BCKDHB: variants seen among roughly 807,000 people sequenced by gnomAD.
The protein encoded by BCKDHB is 2-oxoisovalerate dehydrogenase subunit beta, mitochondrial.
In BCKDHB, 41 loss-of-function variants were observed where a neutral mutation model predicts 48.5. The observed-to-expected ratio is 0.85, with a 90% confidence interval of 0.66 to 1.10. BCKDHB has a LOEUF of 1.10. Ranked by LOEUF, BCKDHB falls within the 50% of genes least tolerant of loss-of-function variation. The pLI, the probability that BCKDHB is intolerant of heterozygous loss-of-function variation, is 0.00. For missense variants in BCKDHB, 496 were observed against 494.2 expected (o/e 1.00, Z -0.03); for synonymous variants, 201 against 174.8 (o/e 1.15, Z -1.18).
At chr6:80,195,258 G>A (rs919532799) in intron 6 of BCKDHB, among the ~76,000 whole-genome samples, 5 of 151,710 alleles carry the variant, frequency 3.3e-5, no homozygotes, top group African/African-American at 1.2e-4. Flanking sequence ...TAGATTTTTC[G>A]ATAATTTAAG....
chr6:80,459,458 G>T, the BCKDHB span, among the ~76,000 whole-genome samples: 1 of 152,090 alleles, frequency 6.6e-6, no homozygotes, highest in African/African-American at 2.4e-5. Flanking sequence ...GAAAGCAATG[G>T]TGGTTACCAA....
intron 9 of BCKDHB, among the ~76,000 whole-genome samples, chr6:80,282,621 T>C (rs532703001): frequency 6.6e-6 from 1 of 152,216 alleles, no homozygotes; most frequent in African/African-American, 2.4e-5. Context: ...ATGAATAAAA[T>C]AGTAAATGAA....
intron 1 of BCKDHB, among the ~76,000 whole-genome samples, chr6:80,125,251 T>C (rs372105363): frequency 6.6e-6 from 1 of 152,186 alleles, no homozygotes; most frequent in South Asian, 2.1e-4. Flanking sequence ...TTCGGCAGCT[T>C]CCTCACCTCT....
the BCKDHB span, among the ~76,000 whole-genome samples, chr6:80,464,309 A>G: frequency 1.3e-5 from 2 of 151,766 alleles, no homozygotes; most frequent in African/African-American, 4.8e-5. Flanking sequence ...TTGTATTTTT[A>G]GTAGAGATGG....
rs1244560156 is a variant in BCKDHB, at chr6:80,167,739, A to T, written c.405A>T (p.Gly135=). The change falls in exon 4 of 10, where the codon GGA becomes GGT. Residue 135 remains glycine (G), a synonymous_variant. Transcript: ENST00000320393. ...CEQGIVGFGI[G]IAVTGATAIA... ...AAGGAATTGTTGGATTTGGAATCGG[A>T]ATTGCGGTCACTGGAGCTACTGCCA... The T allele has an allele frequency of 6.2e-7, 1 of 1,613,134 alleles. No individual in the cohort carries two copies. The highest frequency in any genetic ancestry group is 1.7e-5 in the Admixed American group (1 of 60,018).
chr6:80,130,531 C>A (rs956547485), intron 3 of BCKDHB, among the ~76,000 whole-genome samples: 1 of 152,130 alleles, frequency 6.6e-6, no homozygotes, highest in African/African-American at 2.4e-5. Context: ...CTTTCTCCTA[C>A]TTCTAATACC....
chr6:80,354,226 T>C, the BCKDHB span, among the ~76,000 whole-genome samples: 1 of 151,142 alleles, frequency 6.6e-6, no homozygotes, highest in Admixed American at 6.6e-5. Context: ...TTTATTTATT[T>C]ATTTATTTAT....
the BCKDHB span, among the ~76,000 whole-genome samples, chr6:80,458,821 T>G: frequency 3.3e-5 from 5 of 152,082 alleles, no homozygotes; most frequent in Non-Finnish European, 5.9e-5. Context: ...TGTAGTTCAC[T>G]GTGAGAAAAA....
chr6:80,380,422 T>TA, the BCKDHB span, among the ~76,000 whole-genome samples: 1 of 151,766 alleles, frequency 6.6e-6, no homozygotes, highest in Non-Finnish European at 1.5e-5. Flanking sequence ...TCTTACTATA[T>TA]AAAAAAATTA....
At chr6:80,436,005 G>T in the BCKDHB span, among the ~76,000 whole-genome samples, 1 of 151,990 alleles carries the variant, frequency 6.6e-6, no homozygotes, top group African/African-American at 2.4e-5. Flanking sequence ...CATCTCTCAG[G>T]CCCAGCGCTT....
At chr6:80,422,376 C>T in the BCKDHB span, among the ~76,000 whole-genome samples, 1 of 152,172 alleles carries the variant, frequency 6.6e-6, no homozygotes, top group Non-Finnish European at 1.5e-5. Context: ...GTGGGGCCCT[C>T]ATGGAGAACC....
At chr6:80,200,852 C>A in intron 6 of BCKDHB, 82 bp from the exon 7 acceptor site, 1 of 1,101,516 alleles carries the variant, frequency 9.1e-7, no homozygotes, top group African/African-American at 1.6e-5. Context: ...AGCTTTGCTA[C>A]AGTGAGCTTC....
chr6:80,129,343 C>T (rs1024644471), intron 3 of BCKDHB, 114 bp downstream of exon 3: 2 of 841,430 alleles, frequency 2.4e-6, no homozygotes, highest in Non-Finnish European at 4.0e-6. Context: ...TGGATGAATT[C>T]CTTTTCATTT....
chr6:80,354,127 A>C, the BCKDHB span, among the ~76,000 whole-genome samples: 2 of 152,150 alleles, frequency 1.3e-5, no homozygotes, highest in Admixed American at 6.5e-5. Context: ...TTCTCTCACT[A>C]TGCAGGTTTT....
intron 1 of BCKDHB, among the ~76,000 whole-genome samples, chr6:80,123,654 T>G (rs549594640): frequency 6.6e-6 from 1 of 152,376 alleles, no homozygotes; most frequent in South Asian, 2.1e-4. Flanking sequence ...TATCCATTTC[T>G]TCTAGATTTT....
At chr6:80,132,739 G>A (rs1369940330) in intron 3 of BCKDHB, among the ~76,000 whole-genome samples, 1 of 152,134 alleles carries the variant, frequency 6.6e-6, no homozygotes, top group Non-Finnish European at 1.5e-5. Flanking sequence ...TCAGGTTGAG[G>A]ATGTTGATCA....
chr6:80,363,114 A>G, the BCKDHB span, among the ~76,000 whole-genome samples: 1 of 152,132 alleles, frequency 6.6e-6, no homozygotes, highest in Non-Finnish European at 1.5e-5. Context: ...ATTATTCTCT[A>G]CCTAAAGTCA....
chr6:80,165,031 T>G (rs1772503104), intron 3 of BCKDHB, among the ~76,000 whole-genome samples: 2 of 152,184 alleles, frequency 1.3e-5, no homozygotes, highest in Non-Finnish European at 2.9e-5. Context: ...CAAACATGTT[T>G]TGGGGTAAGA....
intron 3 of BCKDHB, among the ~76,000 whole-genome samples, chr6:80,166,525 G>A (rs1772577134): frequency 6.7e-6 from 1 of 149,856 alleles, no homozygotes; most frequent in South Asian, 2.1e-4. Context: ...GTGTAGTGGT[G>A]GGCGCCTATA....
Sources: allele counts gnomAD v4.1 joint callset (sites outside exome capture counted in the v4.1 genomes callset), GRCh38; gene constraint gnomAD v4.1.1; transcripts MANE v1.5; gene names NCBI Gene and HGNC (gene_info 2026-07-23, HGNC 2026-07-21).